Variants in SEC24D observed in about 807,000 individuals in gnomAD.
The protein encoded by SEC24D is protein transport protein Sec24D.
A neutral mutation model predicts 116.9 loss-of-function variants in SEC24D; 69 were observed. That is an observed-to-expected ratio of 0.59 (90% CI 0.49 to 0.72). The LOEUF is 0.72. SEC24D is among the 30% of genes least tolerant of loss of function. SEC24D has a pLI of 0.00. For synonymous variants in SEC24D, 405 were observed against 442.8 expected (o/e 0.91, Z 1.07); for missense variants, 1,131 against 1,264.1 (o/e 0.89, Z 1.60).
chr4:118,734,283 G>A lies in SEC24D; in HGVS notation c.2497-1371C>T, dbSNP rs538672382. Among the ~76,000 whole-genome samples the A allele has an allele frequency of 1.4e-4, 21 of 151,610 alleles. No homozygotes were observed. The East Asian group carries it at 1.6e-3, about 11-fold the overall frequency. On this transcript the variant is annotated intron_variant, in intron 19 of 22. Transcript: ENST00000280551. ...GGCTGGAGTGCAGCGGCGCAATCTC[G>A]GGTCACTGCAACCTTGCCTCCTGGG...
chr4:118,740,886 GA>G (rs1726193387), intron 16 of SEC24D, 54 bp downstream of exon 16: 2 of 1,593,910 alleles, frequency 1.3e-6, no homozygotes, highest in Admixed American at 1.7e-5. Context: ...TTATTAATTT[GA>G]AAAAGAAACA....
chr4:118,763,718 G>A (rs939586408), intron 10 of SEC24D, among the ~76,000 whole-genome samples: 14 of 152,118 alleles, frequency 9.2e-5, no homozygotes, highest in African/African-American at 2.9e-4. Flanking sequence ...AGTAATACCC[G>A]CAAATTCATT....
chr4:118,793,322 CCGGGCGTAGTGG>C (rs1729021129), intron 8 of SEC24D, among the ~76,000 whole-genome samples: 3 of 151,400 alleles, frequency 2.0e-5, no homozygotes, highest in Admixed American at 2.0e-4. Flanking sequence ...AAAAAATTAG[CCGGGCGTAGTGG>C]CGGGCGCCTG....
intron 6 of SEC24D, among the ~76,000 whole-genome samples, chr4:118,811,683 T>C (rs1446118767): frequency 6.6e-6 from 1 of 152,168 alleles, no homozygotes; most frequent in Non-Finnish European, 1.5e-5. Flanking sequence ...AACTTTCCCA[T>C]TCAGTCCCCA....
At chr4:118,825,978 G>A (rs1227093889) in intron 2 of SEC24D, among the ~76,000 whole-genome samples, 1 of 151,746 alleles carries the variant, frequency 6.6e-6, no homozygotes, top group Non-Finnish European at 1.5e-5. Context: ...AATTGCTTTC[G>A]AGAGAATGCT....
chr4:118,787,056 T>C (rs1395706200), intron 8 of SEC24D, among the ~76,000 whole-genome samples: 1 of 152,232 alleles, frequency 6.6e-6, no homozygotes, highest in Non-Finnish European at 1.5e-5. Flanking sequence ...TCCCTACACA[T>C]GTGCTATAAG....
chr4:118,792,200 C>A (rs1728948603), intron 8 of SEC24D, among the ~76,000 whole-genome samples: 1 of 150,534 alleles, frequency 6.6e-6, no homozygotes, highest in African/African-American at 2.5e-5. Flanking sequence ...AGGTGAGGAG[C>A]GTCTCTGACC....
intron 13 of SEC24D, among the ~76,000 whole-genome samples, chr4:118,745,319 G>T (rs1376318374): frequency 6.6e-6 from 1 of 152,084 alleles, no homozygotes; most frequent in East Asian, 1.9e-4. Context: ...ATAGGTCTGT[G>T]TATCATAACA....
At chr4:118,764,769 T>C (rs1410476730) in intron 10 of SEC24D, 33 bp downstream of exon 10, 3 of 1,142,608 alleles carry the variant, frequency 2.6e-6, no homozygotes, top group Non-Finnish European at 4.0e-6. Flanking sequence ...TTAACATCAA[T>C]GTATAAACAC....
At chr4:118,780,018 G>C (rs543810936) in intron 8 of SEC24D, among the ~76,000 whole-genome samples, 1 of 151,884 alleles carries the variant, frequency 6.6e-6, no homozygotes, top group East Asian at 1.9e-4. Flanking sequence ...TCTTGCTAGC[G>C]GTCTATCAAT....
intron 1 of SEC24D, among the ~76,000 whole-genome samples, chr4:118,834,742 TTTCCACTGATTCTACAATTTATCTCC>T (rs936658175): frequency 1.3e-5 from 2 of 152,204 alleles, no homozygotes; most frequent in Non-Finnish European, 2.9e-5. Flanking sequence ...CCTTTCCAGA[TTTCCACTGATTCTACAATTTATCTCC>T]AGTTTATTTG....
At position 118,797,670 on chromosome 4, in the gene SEC24D, A is replaced by G. The variant is rs1394159903; in HGVS notation, c.1041+13T>C. On this transcript the variant is annotated intron_variant, in intron 8 of 22. Coordinates refer to ENST00000280551, the MANE Select transcript of SEC24D (RefSeq NM_014822.4). ...TGATAAATTATTGAATTGCTATTAT[A>G]TATCATTCTTACCTCATTTGAAGGA... 1.5e-5 allele frequency: 23 copies of G among 1,566,538 alleles called. No individual in the cohort carries two copies. In the Admixed American group the frequency reaches 3.6e-4, roughly 25 times the overall value.
chr4:118,827,600 T>A (rs1730640638), intron 2 of SEC24D, among the ~76,000 whole-genome samples: 1 of 152,172 alleles, frequency 6.6e-6, no homozygotes, highest in South Asian at 2.1e-4. Flanking sequence ...GCCTTACAAT[T>A]TGTTTTGCCA....
intron 6 of SEC24D, among the ~76,000 whole-genome samples, chr4:118,811,180 G>C (rs1729907618): frequency 6.6e-6 from 1 of 152,184 alleles, no homozygotes; most frequent in Admixed American, 6.5e-5. Flanking sequence ...CAACTCTTTG[G>C]GAGATTTCTT....
intron 7 of SEC24D, among the ~76,000 whole-genome samples, chr4:118,801,557 C>G (rs1330815766): frequency 1.3e-5 from 2 of 152,102 alleles, no homozygotes; most frequent in Non-Finnish European, 2.9e-5. Flanking sequence ...TTATTATCAT[C>G]ATTACACAAC....
intron 6 of SEC24D, among the ~76,000 whole-genome samples, chr4:118,814,583 A>C (rs944590819): frequency 1.2e-4 from 19 of 152,244 alleles, no homozygotes; most frequent in East Asian, 1.9e-4. Context: ...CTAACTTTAC[A>C]TTAAAAAAAA....
At chr4:118,796,091 T>C (rs1358269241) in intron 8 of SEC24D, among the ~76,000 whole-genome samples, 1 of 152,192 alleles carries the variant, frequency 6.6e-6, no homozygotes, top group Non-Finnish European at 1.5e-5. Flanking sequence ...CATCATGATA[T>C]GTGACAAAAC....
chr4:118,796,408 T>C (rs1347634081), intron 8 of SEC24D, among the ~76,000 whole-genome samples: 5 of 152,306 alleles, frequency 3.3e-5, no homozygotes, highest in Non-Finnish European at 4.4e-5. Flanking sequence ...GTAAAGGAGA[T>C]ACTGAATGTA....
chr4:118,806,797 AAC>A (rs762621565), intron 6 of SEC24D, among the ~76,000 whole-genome samples: 1 of 152,158 alleles, frequency 6.6e-6, no homozygotes, highest in Non-Finnish European at 1.5e-5. Flanking sequence ...TAGCCTGGGC[AAC>A]AGAGTGAGGC....
Sources: allele counts gnomAD v4.1 joint callset (sites outside exome capture counted in the v4.1 genomes callset), GRCh38; gene constraint gnomAD v4.1.1; transcripts MANE v1.5; gene names NCBI Gene and HGNC (gene_info 2026-07-23, HGNC 2026-07-21).